Variants in FRAS1 observed in about 807,000 individuals in gnomAD.
FRAS1 encodes the protein Fraser extracellular matrix complex subunit 1.
A neutral mutation model predicts 435.2 loss-of-function variants in FRAS1; 290 were observed. The ratio of observed to expected loss-of-function variants is 0.67; its 90% CI spans 0.61 to 0.73. The LOEUF (loss-of-function observed/expected upper bound fraction) is 0.73, where lower values mean the gene tolerates loss of function less well. Ranked by LOEUF, FRAS1 falls within the 30% of genes least tolerant of loss-of-function variation. FRAS1 has a pLI of 0.00. For missense variants in FRAS1, 4,860 were observed against 5,001.5 expected (o/e 0.97, Z 0.85); for synonymous variants, 1,800 against 1,851.0 (o/e 0.97, Z 0.71).
At chr4:78,275,664 T>G (rs970365603) in intron 9 of FRAS1, among the ~76,000 whole-genome samples, 2 of 152,210 alleles carry the variant, frequency 1.3e-5, no homozygotes, top group South Asian at 2.1e-4. Context: ...CTGGCTTGTA[T>G]AGTTTCTGCC....
chr4:78,187,812 C>G (rs1471983774), intron 2 of FRAS1, among the ~76,000 whole-genome samples: 5 of 152,072 alleles, frequency 3.3e-5, no homozygotes, highest in Non-Finnish European at 2.9e-5. Flanking sequence ...ACCGTGTTAG[C>G]CAGGATGGTC....
Position 78,534,500 on chromosome 4 carries a change from G to A in FRAS1, c.10977G>A (p.Val3659=). Residue 3659 remains valine, a synonymous_variant, in exon 71 of 74, where the codon GTG becomes GTA. Transcript: ENST00000512123. The part of the protein sequence containing the change: ...FQQTNRPVPV[V]YSLNTEFQLC... ...AGACCAACCGCCCTGTGCCAGTTGTGTATTCACTTAACACTGAATTTCAGC... is the reference window on the plus strand; with the variant it reads ...AGACCAACCGCCCTGTGCCAGTTGTATATTCACTTAACACTGAATTTCAGC... 6.2e-7 allele frequency: 1 copy of A among 1,613,664 alleles called. No individual in the cohort carries two copies. Among genetic ancestry groups the A allele is most frequent in the South Asian group, 1.1e-5 (1 of 91,052 alleles).
At chr4:78,326,819 A>T (rs1251272540) in intron 18 of FRAS1, among the ~76,000 whole-genome samples, 1 of 152,120 alleles carries the variant, frequency 6.6e-6, no homozygotes, top group Non-Finnish European at 1.5e-5. Flanking sequence ...AAGACAGAAG[A>T]AGTAGATAAG....
intron 2 of FRAS1, among the ~76,000 whole-genome samples, chr4:78,165,073 T>C (rs1171582381): frequency 6.6e-6 from 1 of 152,204 alleles, no homozygotes; most frequent in Non-Finnish European, 1.5e-5. Flanking sequence ...TGAGCATGAA[T>C]TATGCTAGAA....
chr4:78,501,170 A>G (rs960496513), intron 61 of FRAS1, among the ~76,000 whole-genome samples: 2 of 151,916 alleles, frequency 1.3e-5, no homozygotes, highest in African/African-American at 2.4e-5. Flanking sequence ...CCTGTGTCCA[A>G]GTGTTCTCAT....
chr4:78,447,297 A>AAAG (rs1222332006), intron 43 of FRAS1, among the ~76,000 whole-genome samples: 1 of 147,374 alleles, frequency 6.8e-6, no homozygotes, highest in African/African-American at 2.5e-5. Context: ...GTAAAAAAAA[A>AAAG]AAAAAAACAC....
Position 78,544,147 on chromosome 4 carries a change from T to C in FRAS1, c.*3023T>C, listed in dbSNP as rs1722139786. On this transcript the variant is annotated 3_prime_UTR_variant, in exon 74 of 74. Transcript: ENST00000512123. ...ACATTTGTGGTGCTGTCAACCTGAT[T>C]TCTTGACTCTCAAATGATTTTTGTA... is the stretch of plus-strand genomic sequence containing the variant. The C allele has an allele frequency of 6.5e-6, 1 of 152,688 alleles. No homozygotes were observed. Among genetic ancestry groups the C allele is most frequent in the Non-Finnish European group, 1.5e-5 (1 of 68,048 alleles). The allele number at this position is 152,688 out of a possible 1,614,324, so 9.5% of individuals were successfully genotyped here. A position where few individuals can be genotyped will look rare whatever the true frequency, so the allele number is the denominator to read the frequency against.
intron 2 of FRAS1, among the ~76,000 whole-genome samples, chr4:78,077,225 C>G (rs1237781021): frequency 6.6e-6 from 1 of 151,784 alleles, no homozygotes; most frequent in Admixed American, 6.6e-5. Context: ...CACACATTAG[C>G]TGAGTGTGGT....
intron 35 of FRAS1, among the ~76,000 whole-genome samples, chr4:78,425,862 G>A (rs2110380198): frequency 6.6e-6 from 1 of 152,282 alleles, no homozygotes; most frequent in Non-Finnish European, 1.5e-5. Context: ...CTGGCCAGGT[G>A]CAGTGGCTCA....
chr4:78,450,717 T>C (rs1242904795), intron 45 of FRAS1, among the ~76,000 whole-genome samples: 3 of 152,142 alleles, frequency 2.0e-5, no homozygotes, highest in Non-Finnish European at 2.9e-5. Flanking sequence ...ATATCTCTTT[T>C]CAGCTCCCCA....
At chr4:78,355,572 A>C (rs915721812) in intron 20 of FRAS1, among the ~76,000 whole-genome samples, 1 of 152,186 alleles carries the variant, frequency 6.6e-6, no homozygotes, top group East Asian at 1.9e-4. Flanking sequence ...TTTTGATTAC[A>C]GGCAGGAAGG....
Position 78,282,857 on chromosome 4 carries a change from G to A in FRAS1, c.1145G>A (p.Cys382Tyr). The A allele has an allele frequency of 6.2e-7, 1 of 1,613,266 alleles. No individual in the cohort carries two copies. The highest frequency in any genetic ancestry group is 1.1e-5 in the South Asian group (1 of 90,942). Reference sequence around the variant, plus strand: ...TGGGAAGATGGCCCTTGCAAGGTGTGTGAGTGCCGAGGGGCTCAGGTAACT... The same window carrying A: ...TGGGAAGATGGCCCTTGCAAGGTGTATGAGTGCCGAGGGGCTCAGGTAACT... ...EKWEDGPCKV[C>Y]ECRGAQVTCY... The change falls in exon 12 of 74, where the codon TGT becomes TAT. Residue 382 changes from cysteine (C) to tyrosine (Y), a missense_variant. Physicochemically the swap from Cys to Tyr is radical, Grantham distance 194 (BLOSUM62 -2). Transcript: ENST00000512123.
intron 70 of FRAS1, among the ~76,000 whole-genome samples, chr4:78,531,178 C>T (rs1721700280): frequency 6.6e-6 from 1 of 152,116 alleles, no homozygotes. Flanking sequence ...GTGATTTTTG[C>T]ACATTGATTA....
Position 78,244,613 on chromosome 4 carries a change from G to C in FRAS1, c.217-620G>C, listed in dbSNP as rs191650845. Among the ~76,000 whole-genome samples, 150 of 152,222 alleles carry C rather than the reference G, an allele frequency of 9.9e-4. 2 individuals carry two copies. The highest frequency in any genetic ancestry group is 2.6e-3 in the Admixed American group (39 of 15,274). On this transcript the variant is annotated intron_variant, in intron 3 of 73. Coordinates refer to ENST00000512123, the MANE Select transcript of FRAS1 (RefSeq NM_025074.7). ...AGTAAATCTTGGGGTATCAGGTGGT[G>C]GCCTATTCTCTTGATAGTATCAAGA...
chr4:78,462,744 G>C (rs4975068), intron 47 of FRAS1, among the ~76,000 whole-genome samples: 49,514 of 152,038 alleles, frequency 0.33, 8,789 homozygotes, highest in Admixed American at 0.41. Flanking sequence ...AACATTTCTT[G>C]CCTGTCAAGA....
At chr4:78,472,698 A>G (rs911945242) in intron 52 of FRAS1, among the ~76,000 whole-genome samples, 8 of 152,236 alleles carry the variant, frequency 5.3e-5, no homozygotes, top group African/African-American at 1.9e-4. Flanking sequence ...ATCCTGTGTG[A>G]TTTATTTTTT....
intron 2 of FRAS1, among the ~76,000 whole-genome samples, chr4:78,211,038 G>T (rs1357885388): frequency 6.6e-6 from 1 of 152,194 alleles, no homozygotes; most frequent in African/African-American, 2.4e-5. Flanking sequence ...GATGGTAATT[G>T]TTGGCAAAGA....
At chr4:78,502,195 A>G (rs1720704765) in intron 61 of FRAS1, among the ~76,000 whole-genome samples, 2 of 152,190 alleles carry the variant, frequency 1.3e-5, no homozygotes, top group Admixed American at 1.3e-4. Context: ...TGTCTTGGCA[A>G]TGAGGGCTCT....
At chr4:78,258,221 G>T (rs1453132487) in intron 6 of FRAS1, among the ~76,000 whole-genome samples, 1 of 151,906 alleles carries the variant, frequency 6.6e-6, no homozygotes, top group Admixed American at 6.6e-5. Flanking sequence ...CATGCCTGTA[G>T]TCCCAGCTAC....
Sources: gnomAD v4.1 joint callset for allele counts (sites outside exome capture counted in the v4.1 genomes callset) on GRCh38, gnomAD v4.1.1 for gene constraint, MANE v1.5 for transcripts, NCBI Gene and HGNC (gene_info 2026-07-23, HGNC 2026-07-21) for gene names.